The following EML6 variants were observed in gnomAD, a reference collection of about 807,000 sequenced individuals.
The protein encoded by EML6 is echinoderm microtubule-associated protein-like 6.
EML6 carries 154 observed loss-of-function variants against 240.1 expected under a neutral mutation model. The observed-to-expected ratio is 0.64, with a 90% CI of 0.56 to 0.73. EML6 has a LOEUF of 0.73. EML6 is among the 30% of genes least tolerant of loss of function. EML6 has a pLI of 0.00. For missense variants in EML6, 2,964 were observed against 2,474.6 expected (o/e 1.20, Z -4.20); for synonymous variants, 1,148 against 899.0 (o/e 1.28, Z -4.95).
chr2:54,869,135 T>C, intron 14 of EML6, 46 bp from the exon 15 acceptor site: 6 of 1,329,896 alleles, frequency 4.5e-6, no homozygotes, highest in Non-Finnish European at 6.3e-6. Flanking sequence ...CTCCATGCAT[T>C]TGCTGTTTGT....
intron 5 of EML6, among the ~76,000 whole-genome samples, chr2:54,823,058 C>T (rs1031642068): frequency 6.6e-6 from 1 of 152,100 alleles, no homozygotes; most frequent in African/African-American, 2.4e-5. Flanking sequence ...CCTGAAAGAC[C>T]AAAAACTCAT....
Position 54,816,840 on chromosome 2 carries a change from G to C in EML6, c.411G>C (p.Trp137Cys). ...AAAACACAGTCTGCATTTGGGACTG[G>C]AGGAAGGGAAAACTTCTGGCGTCAG... ...DAKNTVCIWD[W>C]RKGKLLASAT... Residue 137 changes from tryptophan to cysteine, a missense_variant, in exon 4 of 42, where the codon TGG (tryptophan) becomes TGC (cysteine). By Grantham distance (215) the Trp-to-Cys change is radical (BLOSUM62 -2). Transcript: ENST00000356458. The C allele has an allele frequency of 1.3e-6, 2 of 1,551,574 alleles. No homozygotes were observed. The highest frequency in any genetic ancestry group is 1.7e-6 in the Non-Finnish European group (2 of 1,146,888).
intron 11 of EML6, among the ~76,000 whole-genome samples, chr2:54,858,903 T>G (rs140722592): frequency 2.0e-5 from 3 of 152,306 alleles, no homozygotes; most frequent in African/African-American, 4.8e-5. Context: ...CCATGGACTT[T>G]GGGGTTCTAG....
chr2:54,749,804 A>G (rs1052215744), intron 2 of EML6, among the ~76,000 whole-genome samples: 6 of 152,280 alleles, frequency 3.9e-5, no homozygotes, highest in Middle Eastern at 3.4e-3. Context: ...TGCCTAATTT[A>G]CGTAATTGTC....
At chr2:54,726,479 G>C (rs1038424303) in intron 2 of EML6, among the ~76,000 whole-genome samples, 1 of 150,842 alleles carries the variant, frequency 6.6e-6, no homozygotes, top group Non-Finnish European at 1.5e-5. Context: ...TTGAAAAATT[G>C]TTACAGAAGG....
intron 16 of EML6, among the ~76,000 whole-genome samples, chr2:54,873,218 T>C (rs1033686088): frequency 1.3e-5 from 2 of 152,356 alleles, no homozygotes; most frequent in Non-Finnish European, 2.9e-5. Context: ...CTAACAGGCA[T>C]GTTCTCACAT....
At chr2:54,730,575 C>G (rs1683109465) in intron 2 of EML6, among the ~76,000 whole-genome samples, 1 of 152,176 alleles carries the variant, frequency 6.6e-6, no homozygotes, top group Non-Finnish European at 1.5e-5. Flanking sequence ...AGAAATGGCT[C>G]TGCGAGGGGA....
At chr2:54,878,336 C>T (rs1485383864) in intron 16 of EML6, among the ~76,000 whole-genome samples, 1 of 152,130 alleles carries the variant, frequency 6.6e-6, no homozygotes, top group East Asian at 1.9e-4. Flanking sequence ...ATGGCTGGCC[C>T]TTGGTAGTCA....
At chr2:54,856,861 G>T (rs1670409305) in intron 11 of EML6, among the ~76,000 whole-genome samples, 1 of 152,206 alleles carries the variant, frequency 6.6e-6, no homozygotes, top group South Asian at 2.1e-4. Context: ...GAAAAGGGAG[G>T]TTTCAAGTAG....
At chr2:54,762,842 G>T (rs1331649801) in intron 2 of EML6, among the ~76,000 whole-genome samples, 2 of 152,148 alleles carry the variant, frequency 1.3e-5, no homozygotes, top group South Asian at 4.1e-4. Context: ...AGTGGGACTG[G>T]TATTTAAGAA....
chr2:54,872,299 A>G (rs887868355), intron 16 of EML6, among the ~76,000 whole-genome samples: 1 of 152,214 alleles, frequency 6.6e-6, no homozygotes, highest in African/African-American at 2.4e-5. Context: ...AAATTAGATC[A>G]ATAGAAAAAG....
At chr2:54,950,412 G>A (rs1227673156) in intron 29 of EML6, among the ~76,000 whole-genome samples, 1 of 152,192 alleles carries the variant, frequency 6.6e-6, no homozygotes, top group Non-Finnish European at 1.5e-5. Flanking sequence ...TGGGTTTTTT[G>A]GAAAGTCATG....
intron 12 of EML6, among the ~76,000 whole-genome samples, chr2:54,861,336 T>G (rs577010371): frequency 6.6e-6 from 1 of 152,248 alleles, no homozygotes; most frequent in East Asian, 1.9e-4. Flanking sequence ...CATTCCTGAG[T>G]GGACTTAAAC....
intron 24 of EML6, among the ~76,000 whole-genome samples, chr2:54,907,415 G>A (rs1428268764): frequency 6.6e-6 from 1 of 152,200 alleles, no homozygotes; most frequent in African/African-American, 2.4e-5. Context: ...GCTGAGGCCA[G>A]GAGAATCGCT....
At chr2:54,822,370 A>G (rs1382409159) in intron 5 of EML6, among the ~76,000 whole-genome samples, 1 of 152,190 alleles carries the variant, frequency 6.6e-6, no homozygotes, top group African/African-American at 2.4e-5. Context: ...TTGATCCAGT[A>G]ATTTCATATC....
At chr2:54,861,482 C>G (rs982391457) in intron 12 of EML6, among the ~76,000 whole-genome samples, 1 of 152,140 alleles carries the variant, frequency 6.6e-6, no homozygotes, top group African/African-American at 2.4e-5. Flanking sequence ...AAAAAGTGAG[C>G]GGTAAATGAC....
At chr2:54,763,773 C>A (rs1668070903) in intron 2 of EML6, among the ~76,000 whole-genome samples, 1 of 152,148 alleles carries the variant, frequency 6.6e-6, no homozygotes, top group South Asian at 2.1e-4. Context: ...CTTCAGCAGG[C>A]CTGGCAGGGT....
intron 28 of EML6, among the ~76,000 whole-genome samples, chr2:54,946,467 A>G (rs2104467290): frequency 1.3e-5 from 2 of 152,338 alleles, no homozygotes; most frequent in African/African-American, 2.4e-5. Context: ...AAAGCTTTTC[A>G]GAGTCCCATT....
intron 22 of EML6, among the ~76,000 whole-genome samples, chr2:54,900,383 A>G (rs1193497502): frequency 6.6e-6 from 1 of 152,198 alleles, no homozygotes; most frequent in African/African-American, 2.4e-5. Flanking sequence ...AAATTGGGTA[A>G]TTCGAGGAGA....
Sources: gnomAD v4.1 joint callset for allele counts (sites outside exome capture counted in the v4.1 genomes callset) on GRCh38, gnomAD v4.1.1 for gene constraint, MANE v1.5 for transcripts, NCBI Gene and HGNC (gene_info 2026-07-23, HGNC 2026-07-21) for gene names.